Variants in MOBP observed in about 807,000 individuals in gnomAD.
MOBP encodes the protein myelin-associated oligodendrocyte basic protein.
MOBP carries 5 observed loss-of-function variants against 15.0 expected under a neutral mutation model. The observed-to-expected ratio is 0.33, with a 90% confidence interval of 0.17 to 0.70. The LOEUF (loss-of-function observed/expected upper bound fraction) is 0.70, where lower values mean the gene tolerates loss of function less well. Ranked by LOEUF, MOBP falls within the 30% of genes least tolerant of loss-of-function variation. The pLI, the probability that MOBP is intolerant of heterozygous loss-of-function variation, is 0.67. For missense variants in MOBP, 188 were observed against 257.8 expected (o/e 0.73, Z 1.85); for synonymous variants, 88 against 99.0 (o/e 0.89, Z 0.66).
At chr3:39,491,751 T>C (rs766699603) in intron 2 of MOBP, among the ~76,000 whole-genome samples, 1 of 150,572 alleles carries the variant, frequency 6.6e-6, no homozygotes, top group Non-Finnish European at 1.5e-5. Flanking sequence ...GAAAGAAGAG[T>C]TTTTCTAGCC....
At chr3:39,492,028 C>T (rs1188518812) in intron 2 of MOBP, among the ~76,000 whole-genome samples, 1 of 152,194 alleles carries the variant, frequency 6.6e-6, no homozygotes, top group African/African-American at 2.4e-5. Flanking sequence ...TGAGTGACTG[C>T]ACAGCTTTGG....
intron 1 of MOBP, among the ~76,000 whole-genome samples, chr3:39,472,561 G>A (rs76387050): frequency 0.012 from 1,815 of 152,268 alleles, 32 homozygotes; most frequent in African/African-American, 0.041. Flanking sequence ...AAGACTACTC[G>A]AAGGATATTC....
Position 39,502,758 on chromosome 3 carries a change from C to T in MOBP, c.430C>T (p.Arg144Ter), listed in dbSNP as rs1010122473. 5 of 1,535,540 alleles carry T rather than the reference C, an allele frequency of 3.3e-6. No homozygotes were observed. Among genetic ancestry groups the T allele is most frequent in the Non-Finnish European group, 4.4e-6 (5 of 1,146,704 alleles). Residue 144 changes from arginine to a stop codon, truncating the protein, a stop_gained, in exon 4 of 4, where the codon CGA becomes TGA. Transcript: ENST00000684792. LOFTEE classifies it high-confidence loss of function. This position sits in a 1 kb window ranked among gnomAD's most constrained non-coding sequence, Gnocchi z 6.3. ...TCAGCCACGTCCCCGCCCAGAGGTC[C>T]GACCACCGCCAGCCAAGCAGCGTCC... ...ERQPRPRPEV[R>*]PPPAKQRPPQ...
intron 2 of MOBP, among the ~76,000 whole-genome samples, chr3:39,498,643 CATT>C (rs1486495735): frequency 1.3e-5 from 2 of 152,110 alleles, no homozygotes; most frequent in Non-Finnish European, 2.9e-5. Flanking sequence ...AGGGAGAAAA[CATT>C]ATTTTGAAAG....
exon 5 of MOBP, chr3:39,513,595 G>C: frequency 1.5e-6 from 1 of 671,198 alleles, no homozygotes; most frequent in Non-Finnish European, 2.6e-6. Context: ...CCTCAGGGCA[G>C]CCTGCCTGGA....
downstream of MOBP, among the ~76,000 whole-genome samples, chr3:39,520,907 A>G (rs988312012): frequency 6.6e-6 from 1 of 152,056 alleles, no homozygotes; most frequent in Non-Finnish European, 1.5e-5. Flanking sequence ...ATCTCACCCA[A>G]CAAGGCTTTA....
At chr3:39,513,516 ATAT>A (rs2043148819) in exon 5 of MOBP, 2 of 1,312,354 alleles carry the variant, frequency 1.5e-6, no homozygotes, top group Admixed American at 1.8e-5. Flanking sequence ...CTGGCTTCAA[ATAT>A]TATGCAGGGG....
intron 2 of MOBP, among the ~76,000 whole-genome samples, chr3:39,481,913 G>A (rs908672658): frequency 1.3e-5 from 2 of 152,100 alleles, no homozygotes; most frequent in African/African-American, 4.8e-5. Flanking sequence ...CATGCTCCTA[G>A]TTTCTCTTCT....
intron 1 of MOBP, among the ~76,000 whole-genome samples, chr3:39,469,268 G>C (rs2042430704): frequency 7.4e-6 from 1 of 135,680 alleles, no homozygotes; most frequent in Admixed American, 7.7e-5. Context: ...GTGTGTATAT[G>C]TATAGATATA....
intron 2 of MOBP, among the ~76,000 whole-genome samples, chr3:39,492,892 A>T (rs912172943): frequency 1.3e-5 from 2 of 152,204 alleles, no homozygotes; most frequent in African/African-American, 4.8e-5. Context: ...GAGCCGAGTG[A>T]AAGAATTGAA....
intron 2 of MOBP, among the ~76,000 whole-genome samples, chr3:39,487,617 AG>A (rs1380100032): frequency 7.1e-6 from 1 of 140,704 alleles, no homozygotes; most frequent in Non-Finnish European, 1.5e-5. Context: ...CCCATATCCC[AG>A]GTTCACGCCA....
intron 1 of MOBP, among the ~76,000 whole-genome samples, chr3:39,468,591 A>C (rs1008672036): frequency 2.0e-5 from 3 of 152,118 alleles, no homozygotes; most frequent in African/African-American, 7.2e-5. Context: ...GGTGCAGCCA[A>C]ATTACCCAGA....
rs1353596336 is a variant in MOBP at position 39,469,038 on chromosome 3, A to G, written c.-89+1298A>G. Among the ~76,000 whole-genome samples the G allele has an allele frequency of 6.8e-5, 7 of 103,044 alleles. 1 individual carries two copies. The highest frequency in any genetic ancestry group is 4.0e-4 in the African/African-American group (7 of 17,312). 67.6% of individuals were successfully genotyped at this position (103,044 alleles called of 152,430 possible). On this transcript the variant is annotated intron_variant, in intron 1 of 3. Coordinates refer to ENST00000684792, the MANE Select transcript of MOBP (RefSeq NM_001393704.1). ...TACATATGTGTGTATATATATACAT[A>G]TATACATATGTGTGTGTATATACAT...
At chr3:39,525,896 A>G (rs1017427768), downstream of MOBP, 1 of 152,288 alleles carries the variant, frequency 6.6e-6, no homozygotes, top group African/African-American at 2.4e-5. Context: ...ATTTGACTGC[A>G]TGGAGTCTTC....
At chr3:39,526,100 A>G (rs2043320790), downstream of MOBP, 1 of 152,226 alleles carries the variant, frequency 6.6e-6, no homozygotes, top group Non-Finnish European at 1.5e-5. Flanking sequence ...TTACTGGCCC[A>G]GCCCAACCCA....
intron 1 of MOBP, among the ~76,000 whole-genome samples, chr3:39,471,386 C>T (rs937951485): frequency 7.9e-5 from 12 of 152,150 alleles, no homozygotes; most frequent in African/African-American, 2.2e-4. Flanking sequence ...GCCTCAGCCT[C>T]TCAAAGTGCT....
At chr3:39,520,083 G>A (rs935278859), downstream of MOBP, among the ~76,000 whole-genome samples, 4 of 150,894 alleles carry the variant, frequency 2.7e-5, no homozygotes, top group Non-Finnish European at 5.9e-5. Context: ...CCTCTTCACT[G>A]CTTTCTCTCT....
chr3:39,501,145 C>T (rs2042964189), intron 2 of MOBP, among the ~76,000 whole-genome samples: 1 of 152,210 alleles, frequency 6.6e-6, no homozygotes, highest in Non-Finnish European at 1.5e-5. Flanking sequence ...TAGGTTCTGT[C>T]TTCAAGGAAT....
At chr3:39,485,292 A>G (rs1575293563) in intron 2 of MOBP, among the ~76,000 whole-genome samples, 1 of 152,296 alleles carries the variant, frequency 6.6e-6, no homozygotes, top group East Asian at 1.9e-4. Context: ...GGGGTCCTAC[A>G]TTTTTGTGTT....
Sources: gnomAD v4.1 joint callset for allele counts (sites outside exome capture counted in the v4.1 genomes callset) on GRCh38, gnomAD v4.1.1 for gene constraint, Gnocchi (gnomAD v3.1) non-coding constraint, MANE v1.5 for transcripts, NCBI Gene and HGNC (gene_info 2026-07-23, HGNC 2026-07-21) for gene names.